FRMD4B: variants seen among roughly 807,000 people sequenced by gnomAD.
The protein encoded by FRMD4B is FERM domain containing 4B, also known as FERM domain-containing protein 4B.
In FRMD4B, 74 loss-of-function variants were observed where a neutral mutation model predicts 141.5. The ratio of observed to expected loss-of-function variants is 0.52; its 90% confidence interval spans 0.43 to 0.63. The LOEUF is 0.63. Ranked by LOEUF, FRMD4B falls within the 30% of genes least tolerant of loss-of-function variation. The pLI is 0.00. For missense variants in FRMD4B, 1,366 were observed against 1,253.4 expected (o/e 1.09, Z -1.36); for synonymous variants, 506 against 467.9 (o/e 1.08, Z -1.05).
intron 19 of FRMD4B, among the ~76,000 whole-genome samples, chr3:69,186,894 T>C (rs1358053731): frequency 2.0e-5 from 3 of 152,240 alleles, no homozygotes; most frequent in African/African-American, 7.2e-5. Context: ...GTTTGTTTGC[T>C]TTTTAAAGAT....
At chr3:69,532,961 T>C (rs949535518) in intron 1 of FRMD4B, among the ~76,000 whole-genome samples, 1 of 152,198 alleles carries the variant, frequency 6.6e-6, no homozygotes, top group Admixed American at 6.5e-5. Context: ...GCATAATTAT[T>C]TCCAATAACT....
chr3:69,285,700 C>T (rs1374050938), intron 5 of FRMD4B, among the ~76,000 whole-genome samples: 3 of 152,036 alleles, frequency 2.0e-5, no homozygotes, highest in East Asian at 1.9e-4. Flanking sequence ...AAAAATTAGC[C>T]GGGTGCGGTG....
chr3:69,219,460 C>T (rs1204210976), intron 9 of FRMD4B, among the ~76,000 whole-genome samples: 2 of 152,142 alleles, frequency 1.3e-5, no homozygotes, highest in African/African-American at 4.8e-5. Context: ...CAAGGTCATG[C>T]AGCAACTAAA....
chr3:69,250,112 A>G lies in FRMD4B; in HGVS notation c.502-13T>C. Reference sequence around the variant, plus strand: ...CTTCGATTTGCCCCTGTTGATGGAAAAGGAAAGCATCATTGAACATGGGGC... The same window carrying G: ...CTTCGATTTGCCCCTGTTGATGGAAGAGGAAAGCATCATTGAACATGGGGC... On this transcript the variant is annotated splice_polypyrimidine_tract_variant and intron_variant, in intron 5 of 22. Transcript: ENST00000398540. 1 of 1,588,620 alleles carries G rather than the reference A, an allele frequency of 6.3e-7. No individual in the cohort carries two copies. The highest frequency in any genetic ancestry group is 8.6e-7 in the Non-Finnish European group (1 of 1,156,818).
At position 69,262,891 on chromosome 3, in the gene FRMD4B, C is replaced by A. The variant is rs534497157; in HGVS notation, c.502-12792G>T. On this transcript the variant is annotated intron_variant, in intron 5 of 22. Coordinates refer to ENST00000398540, the MANE Select transcript of FRMD4B (RefSeq NM_015123.3). ...CATAATTTGAGTAAAAACAGCCAGA[C>A]AATAAAAGAATACATACTGTATGAC... Among the ~76,000 whole-genome samples the A allele has an allele frequency of 1.9e-3, 284 of 152,196 alleles. 1 individual carries two copies. The highest frequency in any genetic ancestry group is 6.4e-3 in the African/African-American group (265 of 41,526).
intron 2 of FRMD4B, among the ~76,000 whole-genome samples, chr3:69,420,250 G>A (rs1035454438): frequency 2.8e-5 from 4 of 140,668 alleles, no homozygotes; most frequent in South Asian, 2.3e-4. Context: ...TGGCAGAATC[G>A]CTTTCTAGCA....
chr3:69,239,311 A>T (rs1559743671), intron 7 of FRMD4B, among the ~76,000 whole-genome samples: 1 of 152,312 alleles, frequency 6.6e-6, no homozygotes, highest in East Asian at 1.9e-4. Context: ...CTCAGCTAGA[A>T]TTCCTTTGTC....
chr3:69,381,168 A>T (rs1166608063), intron 1 of FRMD4B, among the ~76,000 whole-genome samples: 2 of 152,222 alleles, frequency 1.3e-5, no homozygotes, highest in Non-Finnish European at 2.9e-5. Flanking sequence ...ATTTAGTCTC[A>T]TTACTACAGA....
chr3:69,490,123 G>A lies in FRMD4B; in HGVS notation c.-129+52083C>T, dbSNP rs2107020000. The stretch of plus-strand genomic sequence containing the variant: ...GTATGGGGTTTCTTTTTGGGATGAT[G>A]AAAATATTCCAAAGTAAGATTATGG... On this transcript the variant is annotated intron_variant, in intron 1 of 5. Coordinates refer to the FRMD4B transcript ENST00000459638. Among the ~76,000 whole-genome samples, 3 of 152,258 alleles carry A rather than the reference G, an allele frequency of 2.0e-5. No individual in the cohort carries two copies. In the South Asian group the frequency reaches 6.2e-4, roughly 32 times the overall value.
chr3:69,460,755 T>C (rs892955307), intron 1 of FRMD4B, among the ~76,000 whole-genome samples: 5 of 152,166 alleles, frequency 3.3e-5, no homozygotes, highest in African/African-American at 1.2e-4. Flanking sequence ...GCACACAGCT[T>C]CCTGAGCCCT....
intron 1 of FRMD4B, among the ~76,000 whole-genome samples, chr3:69,491,490 G>A (rs1354655760): frequency 5.3e-5 from 8 of 152,050 alleles, no homozygotes; most frequent in Non-Finnish European, 1.2e-4. Context: ...TCAACACAAA[G>A]AAAATGACAC....
chr3:69,221,988 A>G (rs1399797139), intron 8 of FRMD4B, 65 bp from the exon 9 acceptor site: 2 of 848,922 alleles, frequency 2.4e-6, no homozygotes, highest in Non-Finnish European at 4.0e-6. Flanking sequence ...CACAGTTTCC[A>G]CATTATCAGG....
chr3:69,302,536 A>G (rs1395362824), intron 3 of FRMD4B, 101 bp from the exon 4 acceptor site: 2 of 736,324 alleles, frequency 2.7e-6, no homozygotes, highest in Non-Finnish European at 4.9e-6. Context: ...GCTCTCATAC[A>G]CCGATGGTAG....
At chr3:69,455,738 A>T (rs1278243287) in intron 1 of FRMD4B, among the ~76,000 whole-genome samples, 1 of 152,204 alleles carries the variant, frequency 6.6e-6, no homozygotes, top group East Asian at 1.9e-4. Context: ...CAAAGTTTTA[A>T]CTACGAATTT....
At chr3:69,408,480 ACACTTAATCCAATAACCCACCAG>A (rs1451181520) in intron 2 of FRMD4B, among the ~76,000 whole-genome samples, 1 of 152,220 alleles carries the variant, frequency 6.6e-6, no homozygotes, top group East Asian at 1.9e-4. Flanking sequence ...TCTCCACAGA[ACACTTAATCCAATAACCCACCAG>A]CACTTGGAGA....
intron 1 of FRMD4B, among the ~76,000 whole-genome samples, chr3:69,345,143 C>T (rs1702889439): frequency 6.6e-6 from 1 of 152,222 alleles, no homozygotes; most frequent in Non-Finnish European, 1.5e-5. Context: ...CACCCTAATA[C>T]TGCACTTTTC....
At chr3:69,176,833 G>A (rs1379485841) in intron 21 of FRMD4B, among the ~76,000 whole-genome samples, 177 bp from the exon 22 acceptor site, 3 of 152,068 alleles carry the variant, frequency 2.0e-5, no homozygotes, top group African/African-American at 7.2e-5. Context: ...CCTTAGGCAA[G>A]TAGTTTATCC....
chr3:69,385,815 C>T lies in FRMD4B; in HGVS notation c.162+13G>A. 2 of 1,535,936 alleles carry T rather than the reference C, an allele frequency of 1.3e-6. No homozygotes were observed. The highest frequency in any genetic ancestry group is 8.8e-7 in the Non-Finnish European group (1 of 1,136,480). On this transcript the variant is annotated intron_variant, in intron 1 of 22. Coordinates refer to ENST00000398540, the MANE Select transcript of FRMD4B (RefSeq NM_015123.3). ...CCTGCTGGGGCCCTCGGGTGCCGCGCGCTCCAGCTCACCTGGTACACGTCC... is the reference window on the plus strand; with the variant it reads ...CCTGCTGGGGCCCTCGGGTGCCGCGTGCTCCAGCTCACCTGGTACACGTCC...
chr3:69,468,520 G>C (rs553883283), intron 1 of FRMD4B, among the ~76,000 whole-genome samples: 1 of 152,180 alleles, frequency 6.6e-6, no homozygotes, highest in African/African-American at 2.4e-5. Flanking sequence ...TCAGTAACAG[G>C]GTCAGAAATG....
Sources: gnomAD v4.1 joint callset for allele counts (sites outside exome capture counted in the v4.1 genomes callset) on GRCh38, gnomAD v4.1.1 for gene constraint, MANE v1.5 for transcripts, NCBI Gene and HGNC (gene_info 2026-07-23, HGNC 2026-07-21) for gene names.